REPS1: variants seen among roughly 807,000 people sequenced by gnomAD.
REPS1 encodes the protein ralBP1-associated Eps domain-containing protein 1.
REPS1 carries 39 observed loss-of-function variants against 100.9 expected under a neutral mutation model. That is an observed-to-expected ratio of 0.39 (90% CI 0.30 to 0.50). REPS1 has a LOEUF of 0.50. REPS1 is among the 20% of genes least tolerant of loss of function. The pLI is 0.86. For missense variants in REPS1, 821 were observed against 968.5 expected, an observed-to-expected ratio of 0.85 and a Z score of 2.02; for synonymous variants, 324 against 340.3, an observed-to-expected ratio of 0.95 and a Z score of 0.53.
chr6:138,934,875 G>T (rs1781706728), intron 8 of REPS1, among the ~76,000 whole-genome samples: 1 of 152,044 alleles, frequency 6.6e-6, no homozygotes, highest in African/African-American at 2.4e-5. Flanking sequence ...ATTCTTGTAA[G>T]AAAAAAATAC....
intron 1 of REPS1, among the ~76,000 whole-genome samples, chr6:138,967,977 C>T (rs902469112): frequency 1.2e-4 from 18 of 152,172 alleles, no homozygotes; most frequent in Non-Finnish European, 2.5e-4. Flanking sequence ...ACAGATGCTC[C>T]TTAACTTACG....
At chr6:138,980,555 C>G (rs999391626) in intron 1 of REPS1, among the ~76,000 whole-genome samples, 1 of 151,990 alleles carries the variant, frequency 6.6e-6, no homozygotes, top group African/African-American at 2.4e-5. Context: ...CCTGACCCCC[C>G]ATCCAGGCAT....
In REPS1 at chr6:138,945,235, A is replaced by G. The variant is rs762980493; in HGVS notation, c.612T>C (p.Phe204=). 13 of 1,609,328 alleles carry G rather than the reference A, an allele frequency of 8.1e-6. No homozygotes were observed. Among genetic ancestry groups the G allele is most frequent in the Non-Finnish European group, 1.1e-5 (13 of 1,178,798 alleles). The stretch of plus-strand genomic sequence containing the variant: ...TCTAAATACCTGATTGTGCTTCACC[A>G]AAGGGAGACCAAAATGGCCCAGGTC... ...LAGPGPFWSP[F]GEAQSGSSAG... The change falls in exon 4 of 20, where the codon TTT becomes TTC. Residue 204 remains phenylalanine, a synonymous_variant. Coordinates refer to ENST00000450536, the MANE Select transcript of REPS1 (RefSeq NM_001286611.2).
At chr6:138,934,507 T>G (rs1781680171) in intron 8 of REPS1, among the ~76,000 whole-genome samples, 1 of 152,264 alleles carries the variant, frequency 6.6e-6, no homozygotes. Context: ...AAGTTTCACC[T>G]ATCTATCCTT....
intron 8 of REPS1, among the ~76,000 whole-genome samples, chr6:138,934,558 T>C (rs557016824): frequency 2.6e-5 from 4 of 152,350 alleles, no homozygotes; most frequent in African/African-American, 9.6e-5. Context: ...TTCAGTACAG[T>C]GTACCTGCTA....
chr6:138,916,540 C>T (rs531975114), intron 13 of REPS1, among the ~76,000 whole-genome samples: 6 of 152,020 alleles, frequency 3.9e-5, no homozygotes, highest in Middle Eastern at 3.4e-3. Context: ...ACTTAGTTGT[C>T]AACATGATTT....
At chr6:138,930,260 A>G (rs762552413) in intron 8 of REPS1, among the ~76,000 whole-genome samples, 162 bp from the exon 9 acceptor site, 1 of 152,192 alleles carries the variant, frequency 6.6e-6, no homozygotes, top group African/African-American at 2.4e-5. Flanking sequence ...TTTAACAGAC[A>G]TTACTTATTC....
chr6:138,904,114 A>C lies in REPS1; in HGVS notation c.*950T>G, dbSNP rs1350873579. The C allele has an allele frequency of 6.6e-6, 1 of 152,238 alleles. No homozygotes were observed. Among genetic ancestry groups the C allele is most frequent in the Non-Finnish European group, 1.5e-5 (1 of 68,024 alleles). The allele number at this position is 152,238 out of a possible 1,614,324, so 9.4% of individuals were successfully genotyped here. On this transcript the variant is annotated 3_prime_UTR_variant, in exon 20 of 20. Coordinates refer to ENST00000450536, the MANE Select transcript of REPS1 (RefSeq NM_001286611.2). ...ATCTATGATCCTATAGACAGAATAAATCTTAAAGGGAATATCTGCTGTTAG... is the reference window on the plus strand; with the variant it reads ...ATCTATGATCCTATAGACAGAATAACTCTTAAAGGGAATATCTGCTGTTAG...
chr6:138,966,303 G>A (rs181499465), intron 1 of REPS1, among the ~76,000 whole-genome samples: 36 of 152,258 alleles, frequency 2.4e-4, no homozygotes, highest in African/African-American at 8.2e-4. Flanking sequence ...GAGCAAATGG[G>A]ACAGGGAAAT....
chr6:138,955,430 C>T (rs1204900269), intron 1 of REPS1, among the ~76,000 whole-genome samples: 14 of 114,890 alleles, frequency 1.2e-4, no homozygotes, highest in African/African-American at 4.3e-4. Flanking sequence ...AGAATTAAAC[C>T]CTGTCTCTTT....
intron 6 of REPS1, 129 bp from the exon 7 acceptor site, chr6:138,943,705 C>T (rs963060335): frequency 2.0e-6 from 2 of 1,003,644 alleles, no homozygotes; most frequent in East Asian, 2.7e-5. Flanking sequence ...ATGTTTTTGG[C>T]CCCCAGTGAT....
At chr6:138,970,519 C>T (rs181629767) in intron 1 of REPS1, among the ~76,000 whole-genome samples, 5 of 151,932 alleles carry the variant, frequency 3.3e-5, no homozygotes, top group Admixed American at 3.3e-4. Context: ...GTGGCTCACA[C>T]CTAAAATCCC....
At chr6:138,962,054 T>C (rs1048989741) in intron 1 of REPS1, among the ~76,000 whole-genome samples, 1 of 152,182 alleles carries the variant, frequency 6.6e-6, no homozygotes, top group Non-Finnish European at 1.5e-5. Context: ...CATTTTCAAG[T>C]GCTAGTGTGG....
chr6:138,908,941 TTAAATC>T (rs1422290684), intron 17 of REPS1, 125 bp from the exon 18 acceptor site: 1 of 824,118 alleles, frequency 1.2e-6, no homozygotes, highest in Admixed American at 3.2e-5. Context: ...TTGTCCTACT[TTAAATC>T]TATATATTTG....
At chr6:138,981,457 A>G (rs1784946252) in intron 1 of REPS1, among the ~76,000 whole-genome samples, 1 of 152,242 alleles carries the variant, frequency 6.6e-6, no homozygotes, top group African/African-American at 2.4e-5. Context: ...ATCAGAAATG[A>G]CAAGTCTTAT....
At chr6:138,933,348 G>C (rs1781600824) in intron 8 of REPS1, among the ~76,000 whole-genome samples, 1 of 152,214 alleles carries the variant, frequency 6.6e-6, no homozygotes, top group Non-Finnish European at 1.5e-5. Context: ...GGCAGTCCTA[G>C]ACAATTCATA....
At chr6:138,943,480 C>G (rs1240387743) in intron 7 of REPS1, 33 bp downstream of exon 7, 1 of 1,371,500 alleles carries the variant, frequency 7.3e-7, no homozygotes, top group Non-Finnish European at 1.0e-6. Context: ...TGGAAGCAAC[C>G]CAGTTACCCA....
At chr6:138,937,437 C>G (rs1292725476) in intron 8 of REPS1, among the ~76,000 whole-genome samples, 2 of 152,174 alleles carry the variant, frequency 1.3e-5, no homozygotes, top group East Asian at 3.9e-4. Context: ...TTTACTTGCA[C>G]CAAGGTAATC....
rs1782487475 is a variant in REPS1, at chr6:138,944,533, T to C, written c.718A>G (p.Ser240Gly). Reference protein sequence around the residue: ...WVSFADTPPTSTLLTMHPASV... With the variant: ...WVSFADTPPTGTLLTMHPASV... ...GCAGGATGCATGGTTAAAAGAGTAC[T>C]GGTTGGTGGAGTATCTGCAAAACTG... The change falls in exon 5 of 20, where the codon AGT becomes GGT. Residue 240 changes from serine (S) to glycine (G), a missense_variant. Coordinates refer to ENST00000450536, the MANE Select transcript of REPS1 (RefSeq NM_001286611.2). 3.7e-6 allele frequency: 6 copies of C among 1,613,944 alleles called. No individual in the cohort carries two copies. The highest frequency in any genetic ancestry group is 1.1e-5 in the South Asian group (1 of 91,082).
Sources: allele counts gnomAD v4.1 joint callset (sites outside exome capture counted in the v4.1 genomes callset), GRCh38; gene constraint gnomAD v4.1.1; transcripts MANE v1.5; gene names NCBI Gene and HGNC (gene_info 2026-07-23, HGNC 2026-07-21).